ARID4A: variants seen among roughly 807,000 people sequenced by gnomAD.
ARID4A encodes AT-rich interaction domain 4A, also known as AT-rich interactive domain-containing protein 4A.
A neutral mutation model predicts 148.6 loss-of-function variants in ARID4A; 39 were observed. The observed-to-expected ratio is 0.26, with a 90% CI of 0.20 to 0.34. The LOEUF (loss-of-function observed/expected upper bound fraction) is 0.34. Among genes scored for constraint, ARID4A ranks in the 10% least tolerant of loss-of-function variants. The pLI, the probability that ARID4A is intolerant of heterozygous loss-of-function variation, is 1.00. For synonymous variants in ARID4A, 475 were observed against 481.2 expected, an observed-to-expected ratio of 0.99 and a Z score of 0.17; for missense variants, 1,265 against 1,449.1, an observed-to-expected ratio of 0.87 and a Z score of 2.06.
rs918498595 is a variant in ARID4A at position 58,372,939 on chromosome 14, G to A, written c.*950G>A. 5.4e-6 allele frequency: 1 copy of A among 185,162 alleles called. No individual in the cohort carries two copies. Among genetic ancestry groups the A allele is most frequent in the Non-Finnish European group, 1.1e-5 (1 of 87,464 alleles). The allele number at this position is 185,162 out of a possible 1,614,324, so 11.5% of individuals were successfully genotyped here. ...AAAATTTAAAAAAAGAAAATTCTAG[G>A]TTAATTCACTCTTTGGATGACAATA... On this transcript the variant is annotated 3_prime_UTR_variant, in exon 24 of 24. Transcript: ENST00000355431.
intron 8 of ARID4A, among the ~76,000 whole-genome samples, chr14:58,323,937 C>T (rs899081405): frequency 7.8e-6 from 1 of 128,496 alleles, no homozygotes; most frequent in African/African-American, 2.9e-5. Flanking sequence ...TGGAGTCTCG[C>T]TCTGTCGCCC....
At chr14:58,345,114 A>G (rs2034297271) in intron 12 of ARID4A, among the ~76,000 whole-genome samples, 1 of 152,132 alleles carries the variant, frequency 6.6e-6, no homozygotes, top group South Asian at 2.1e-4. Context: ...CCTGGCCTCA[A>G]GTGATCCTCT....
At chr14:58,304,341 G>T (rs1345715698) in intron 3 of ARID4A, among the ~76,000 whole-genome samples, 1 of 152,106 alleles carries the variant, frequency 6.6e-6, no homozygotes, top group African/African-American at 2.4e-5. Context: ...TACAATGATT[G>T]TTTTAGGAGG....
chr14:58,347,159 G>T, intron 14 of ARID4A, 42 bp downstream of exon 14: 1 of 1,107,010 alleles, frequency 9.0e-7, no homozygotes. Context: ...TATATTTATA[G>T]GAAATATTTT....
chr14:58,309,964 G>A (rs2031895448), intron 5 of ARID4A, among the ~76,000 whole-genome samples: 1 of 152,116 alleles, frequency 6.6e-6, no homozygotes, highest in Non-Finnish European at 1.5e-5. Flanking sequence ...AATGTAGTCA[G>A]ACTCGCTTAT....
intron 18 of ARID4A, among the ~76,000 whole-genome samples, chr14:58,359,691 AC>A (rs1260952947): frequency 1.3e-5 from 2 of 152,128 alleles, no homozygotes; most frequent in Non-Finnish European, 2.9e-5. Context: ...GGAATCATAC[AC>A]CATATAGCCT....
Position 58,330,108 on chromosome 14 carries a change from G to A in ARID4A, c.845G>A (p.Gly282Asp), listed in dbSNP as rs774287225. The change falls in exon 11 of 24, where the codon GGC becomes GAC. Residue 282 changes from glycine (G) to aspartate (D), a missense_variant. Around this residue, in one of 9 missense-constraint regions of ARID4A, gnomAD observed 249 missense variants for 277.2 expected, o/e 0.90. Transcript: ENST00000355431. ...LESSSSDDEDGPAEENDEEKE... is the reference protein window; with the variant it reads ...LESSSSDDEDDPAEENDEEKE... ...TCATCCAGTAGTGATGATGAAGATG[G>A]CCCAGCTGAAGAAAATGATGAAGAG... The A allele has an allele frequency of 6.2e-7, 1 of 1,613,302 alleles. No individual in the cohort carries two copies. Among genetic ancestry groups the A allele is most frequent in the South Asian group, 1.1e-5 (1 of 90,930 alleles).
chr14:58,313,511 C>T (rs1012606600), intron 5 of ARID4A, among the ~76,000 whole-genome samples: 4 of 152,072 alleles, frequency 2.6e-5, no homozygotes, highest in South Asian at 2.1e-4. Context: ...CTGTCCGGTC[C>T]GGTTACCAAC....
Position 58,353,661 on chromosome 14 carries a change from A to G in ARID4A, c.1659A>G (p.Glu553=), listed in dbSNP as rs142244405. ...TCAGTATTATAACTTACTGCAGGGA[A>G]GAAACTGAAAGCAAATGTGACTCTG... The part of the protein sequence containing the change: ...DEEEEKSQER[E]ETESKCDSEG... The change falls in exon 17 of 24, where the codon GAA becomes GAG. Residue 553 remains glutamate (E), a synonymous_variant. Coordinates refer to ENST00000355431, the MANE Select transcript of ARID4A (RefSeq NM_002892.4). The G allele has an allele frequency of 1.0e-3, 1,672 of 1,613,698 alleles. 2 individuals carry two copies. Among genetic ancestry groups the G allele is most frequent in the Admixed American group, 1.8e-3 (105 of 59,974 alleles).
chr14:58,329,031 A>G (rs1172124646), intron 9 of ARID4A, among the ~76,000 whole-genome samples: 2 of 152,048 alleles, frequency 1.3e-5, no homozygotes, highest in Non-Finnish European at 2.9e-5. Flanking sequence ...ACTTTTTCCT[A>G]ACCTCATCTC....
chr14:58,357,213 G>A (rs2034913466), intron 17 of ARID4A, among the ~76,000 whole-genome samples: 1 of 152,170 alleles, frequency 6.6e-6, no homozygotes, highest in South Asian at 2.1e-4. Context: ...TGAGTGTTCT[G>A]AGCATGTTTA....
rs745393714 is a variant in ARID4A at position 58,371,911 on chromosome 14, A to T, written c.3696A>T (p.Ser1232=). The change falls in exon 24 of 24, where the codon TCA becomes TCT. Residue 1232 remains serine, a synonymous_variant. Transcript: ENST00000355431. Reference sequence around the variant, plus strand: ...TGTCTCATGCGGGAGCCTCCATGTCATCTGCTTCATCAGACACTGGAATGA... The same window carrying T: ...TGTCTCATGCGGGAGCCTCCATGTCTTCTGCTTCATCAGACACTGGAATGA... The part of the protein sequence containing the change: ...REVSHAGASM[S]SASSDTGMSP... The T allele has an allele frequency of 1.4e-5, 23 of 1,613,286 alleles. No homozygotes were observed. The highest frequency in any genetic ancestry group is 1.7e-5 in the Non-Finnish European group (20 of 1,179,390).
intron 5 of ARID4A, among the ~76,000 whole-genome samples, chr14:58,307,421 C>T (rs1880930929): frequency 6.6e-6 from 1 of 152,180 alleles, no homozygotes; most frequent in African/African-American, 2.4e-5. Flanking sequence ...CTCTTTGATG[C>T]TTCTTGGACT....
Position 58,366,867 on chromosome 14 carries a change from C to T in ARID4A, c.3524-16C>T, listed in dbSNP as rs764492636. ...ATTATTTTAAAATCCAAATTAACTTCTTTCCCCCCTTTTAGATGAATTAGA... is the reference window on the plus strand; with the variant it reads ...ATTATTTTAAAATCCAAATTAACTTTTTTCCCCCCTTTTAGATGAATTAGA... On this transcript the variant is annotated splice_polypyrimidine_tract_variant and intron_variant, in intron 22 of 23. Coordinates refer to ENST00000355431, the MANE Select transcript of ARID4A (RefSeq NM_002892.4). 1.3e-6 allele frequency: 2 copies of T among 1,482,800 alleles called. No individual in the cohort carries two copies. The highest frequency in any genetic ancestry group is 1.8e-6 in the Non-Finnish European group (2 of 1,121,348). 91.9% of individuals were successfully genotyped at this position (1,482,800 alleles called of 1,614,324 possible).
chr14:58,324,601 C>G (rs966888264), intron 8 of ARID4A, among the ~76,000 whole-genome samples: 3 of 152,178 alleles, frequency 2.0e-5, no homozygotes, highest in Non-Finnish European at 4.4e-5. Flanking sequence ...TTTAAAATAT[C>G]ATTTAGTCAT....
rs145938878 is a variant in ARID4A, at chr14:58,364,704, A to C, written c.2615A>C (p.Glu872Ala). Residue 872 changes from glutamate (E) to alanine (A), a missense_variant, in exon 20 of 24, where the codon GAG (glutamate) becomes GCG (alanine). Around this residue, in one of 9 missense-constraint regions of ARID4A, gnomAD observed 666 missense variants for 730.9 expected, o/e 0.91. Transcript: ENST00000355431. ...TCGCCAGAGAAAAAAATAAGAATTG[A>C]GAATGGAATGGAAATGACAAATACT... is the stretch of plus-strand genomic sequence containing the variant. ...QSSPEKKIRI[E>A]NGMEMTNTVS... is the part of the protein sequence containing the mutation. 1.9e-5 allele frequency: 30 copies of C among 1,613,840 alleles called. No homozygotes were observed. In the African/African-American group the frequency reaches 3.6e-4, roughly 19 times the overall value.
At chr14:58,360,065 C>CA (rs11376633) in intron 18 of ARID4A, among the ~76,000 whole-genome samples, 45,491 of 118,482 alleles carry the variant, frequency 0.38, 7,416 homozygotes, top group East Asian at 0.54. Flanking sequence ...GACTCCGTCT[C>CA]AAAAAAAAAA....
intron 7 of ARID4A, among the ~76,000 whole-genome samples, chr14:58,319,667 C>T (rs996541787): frequency 1.4e-5 from 2 of 147,650 alleles, no homozygotes; most frequent in African/African-American, 5.0e-5. Flanking sequence ...GCCTCAGCCT[C>T]CTGAGTAGTT....
chr14:58,368,103 A>G (rs1167529616), intron 23 of ARID4A, among the ~76,000 whole-genome samples: 4 of 152,130 alleles, frequency 2.6e-5, no homozygotes, highest in African/African-American at 9.7e-5. Flanking sequence ...CTTAAAAGAG[A>G]ATGAGGAAAT....
Sources: allele counts gnomAD v4.1 joint callset (sites outside exome capture counted in the v4.1 genomes callset), GRCh38; gene constraint gnomAD v4.1.1; regional missense constraint gnomAD v4.1.1; transcripts MANE v1.5; gene names NCBI Gene and HGNC (gene_info 2026-07-23, HGNC 2026-07-21).